Variants in ACTN4 observed in about 807,000 individuals in gnomAD.
ACTN4 encodes the protein actinin alpha 4, also known as alpha-actinin-4.
Under a neutral mutation model 114.2 loss-of-function variants are expected in ACTN4, and 18 were observed. The observed-to-expected ratio is 0.16, with a 90% confidence interval of 0.11 to 0.23. The LOEUF is 0.23. ACTN4 is among the 10% of genes least tolerant of loss of function. The pLI, the probability that ACTN4 is intolerant of heterozygous loss-of-function variation, is 1.00. For missense variants in ACTN4, 722 were observed against 1,262.9 expected, an observed-to-expected ratio of 0.57 and a Z score of 6.49; for synonymous variants, 515 against 506.3, an observed-to-expected ratio of 1.02 and a Z score of -0.23.
At chr19:38,697,199 G>T (rs1382508386) in intron 1 of ACTN4, among the ~76,000 whole-genome samples, 1 of 152,214 alleles carries the variant, frequency 6.6e-6, no homozygotes, top group East Asian at 1.9e-4. Context: ...CTGAGGACAG[G>T]TGGCCAGAAC....
chr19:38,701,224 C>T (rs547870547), intron 3 of ACTN4, 103 bp downstream of exon 3: 203 of 1,570,652 alleles, frequency 1.3e-4, no homozygotes, highest in Admixed American at 1.0e-3. Flanking sequence ...GGTGGCAGGG[C>T]GCTTGGGGCA....
At chr19:38,672,041 C>G (rs1307673358) in intron 1 of ACTN4, among the ~76,000 whole-genome samples, 5 of 151,962 alleles carry the variant, frequency 3.3e-5, no homozygotes, top group Admixed American at 6.6e-5. Context: ...AAGAGCTGGG[C>G]AGCGTAGACT....
At chr19:38,720,764 G>A (rs1426842996) in intron 11 of ACTN4, among the ~76,000 whole-genome samples, 1 of 152,260 alleles carries the variant, frequency 6.6e-6, no homozygotes, top group African/African-American at 2.4e-5. Context: ...CAGCTGTCAG[G>A]TGCTGGGACA....
Position 38,724,406 on chromosome 19 carries a change from T to G in ACTN4, c.1876-25T>G. 1 of 1,612,360 alleles carries G rather than the reference T, an allele frequency of 6.2e-7. No individual in the cohort carries two copies. The highest frequency in any genetic ancestry group is 2.2e-5 in the East Asian group (1 of 44,844). ...GGCTGGGGGCCACCTCCCTGACCGC[T>G]CCCACACCGCGTCTCCTCTGCCAGG... On this transcript the variant is annotated intron_variant, in intron 15 of 20. Coordinates refer to ENST00000252699, the MANE Select transcript of ACTN4 (RefSeq NM_004924.6). This position sits in a 1 kb window ranked among gnomAD's most constrained non-coding sequence, Gnocchi z 7.0.
Position 38,724,157 on chromosome 19 carries a change from G to A in ACTN4, c.1693G>A (p.Gly565Ser). The change falls in exon 15 of 21, where the codon GGC becomes AGC. Residue 565 changes from glycine to serine, a missense_variant and splice_region_variant. Gly to Ser is a moderately conservative substitution (Grantham distance 56, BLOSUM62 0). Around this residue, in one of 3 missense-constraint regions of ACTN4, gnomAD observed 523 missense variants for 875.9 expected, o/e 0.60. Transcript: ENST00000252699. This position sits in a 1 kb window ranked among gnomAD's most constrained non-coding sequence, Gnocchi z 7.0. ...CCCCTCACTCCAGCTCCTCCCCTAG[G>A]GCCTGATCTCAGCCCATGACCAGTT... ...FIVHTIEEIE[G>S]LISAHDQFKS... 6.2e-7 allele frequency: 1 copy of A among 1,613,760 alleles called. No homozygotes were observed. Among genetic ancestry groups the A allele is most frequent in the Non-Finnish European group, 8.5e-7 (1 of 1,179,994 alleles).
At chr19:38,693,292 G>C (rs568981346) in intron 1 of ACTN4, among the ~76,000 whole-genome samples, 1 of 152,152 alleles carries the variant, frequency 6.6e-6, no homozygotes. Flanking sequence ...GGGATCGCTC[G>C]AGCCTATTTC....
intron 1 of ACTN4, among the ~76,000 whole-genome samples, chr19:38,690,967 G>A (rs919391643): frequency 6.6e-6 from 1 of 152,210 alleles, no homozygotes; most frequent in African/African-American, 2.4e-5. Context: ...TCCTAGATTT[G>A]TTGAGTACCT....
At position 38,673,517 on chromosome 19, in the gene ACTN4, T is replaced by TA. The variant is rs1555826155; in HGVS notation, c.162+25610_162+25611insA. The stretch of plus-strand genomic sequence containing the variant: ...TATATTTATATATATGAATATATAT[T>TA]TATATATATTCATATATACTTATAT... On this transcript the variant is annotated intron_variant, in intron 1 of 20. Transcript: ENST00000252699. Among the ~76,000 whole-genome samples, 13 of 80,392 alleles carry TA rather than the reference T, an allele frequency of 1.6e-4. 2 individuals carry two copies. The highest frequency in any genetic ancestry group is 5.1e-4 in the African/African-American group (12 of 23,726). The allele number at this position is 80,392 out of a possible 152,430, so 52.7% of individuals were successfully genotyped here. A position where few individuals can be genotyped will look rare whatever the true frequency, so the allele number is the denominator to read the frequency against.
chr19:38,704,800 C>G, intron 3 of ACTN4, 134 bp from the exon 4 acceptor site: 1 of 755,188 alleles, frequency 1.3e-6, no homozygotes, highest in Non-Finnish European at 2.4e-6. Context: ...GGAGGACAGG[C>G]CTGGGAGATG....
At chr19:38,688,607 G>A (rs1451786151) in intron 1 of ACTN4, among the ~76,000 whole-genome samples, 1 of 151,716 alleles carries the variant, frequency 6.6e-6, no homozygotes, top group Non-Finnish European at 1.5e-5. Flanking sequence ...GCCAGGTGTA[G>A]TAGCATATTC....
rs1165663203 is a variant in ACTN4, at chr19:38,693,830, C to T, written c.163-6770C>T. ...CAAAGCAGAAACTGCTCTTGGGGCC[C>T]CCTGAAGCCCGCCTTAGCTGGGTCA... On this transcript the variant is annotated intron_variant, in intron 1 of 20. Coordinates refer to ENST00000252699, the MANE Select transcript of ACTN4 (RefSeq NM_004924.6). Among the ~76,000 whole-genome samples, 4 of 152,172 alleles carry T rather than the reference C, an allele frequency of 2.6e-5. No individual in the cohort carries two copies. The South Asian group carries it at 6.2e-4, about 24-fold the overall frequency.
chr19:38,720,482 C>T (rs1411950375), intron 11 of ACTN4, among the ~76,000 whole-genome samples: 9 of 152,246 alleles, frequency 5.9e-5, no homozygotes, highest in Non-Finnish European at 4.4e-5. Context: ...CCCAGGGCTG[C>T]GCAGCAGGGC....
chr19:38,664,946 C>T (rs1208210645), intron 1 of ACTN4, among the ~76,000 whole-genome samples: 1 of 152,112 alleles, frequency 6.6e-6, no homozygotes, highest in African/African-American at 2.4e-5. Flanking sequence ...CAGAGAGTTT[C>T]CTGCATGGTC....
chr19:38,677,083 C>T (rs553477373), intron 1 of ACTN4, among the ~76,000 whole-genome samples: 1 of 152,284 alleles, frequency 6.6e-6, no homozygotes, highest in African/African-American at 2.4e-5. Flanking sequence ...GCCTCTGCCC[C>T]TTTCGCCTCA....
chr19:38,711,216 C>T (rs1033666788), intron 8 of ACTN4: 15 of 901,850 alleles, frequency 1.7e-5, no homozygotes, highest in African/African-American at 1.8e-5. Flanking sequence ...GCCCGGCCGC[C>T]CTCCCTGCGT....
At chr19:38,728,411 C>CTCG in intron 19 of ACTN4, 2 of 532,568 alleles carry the variant, frequency 3.8e-6, no homozygotes, top group Non-Finnish European at 5.0e-6. Context: ...CAGCCACCCG[C>CTCG]TCCTCCTCCT....
chr19:38,696,776 C>T (rs570854728), intron 1 of ACTN4, among the ~76,000 whole-genome samples: 1 of 152,280 alleles, frequency 6.6e-6, no homozygotes, highest in Admixed American at 6.5e-5. Flanking sequence ...TTCCCCAAGC[C>T]TGTGTCAGGT....
chr19:38,712,486 C>T (rs901635296), intron 8 of ACTN4, among the ~76,000 whole-genome samples: 5 of 152,250 alleles, frequency 3.3e-5, no homozygotes, highest in South Asian at 2.1e-4. Flanking sequence ...GTGCCTGGCA[C>T]GGCAGCTGCC....
Position 38,724,591 on chromosome 19 carries a change from G to C in ACTN4, c.2010+26G>C, listed in dbSNP as rs1191448118. 2.5e-6 allele frequency: 4 copies of C among 1,612,722 alleles called. No individual in the cohort carries two copies. The African/African-American group carries it at 5.3e-5, about 22-fold the overall frequency. ...GTGAGGCACGGCTGAGCCCCACAGAGCTGAGAAGGTTCCAAGAGAGCTCCC... is the reference window on the plus strand; with the variant it reads ...GTGAGGCACGGCTGAGCCCCACAGACCTGAGAAGGTTCCAAGAGAGCTCCC... On this transcript the variant is annotated intron_variant, in intron 16 of 20. Transcript: ENST00000252699. The surrounding 1 kb of genome is among the most constrained non-coding windows in gnomAD (Gnocchi z 7.0).
Sources: allele counts gnomAD v4.1 joint callset (sites outside exome capture counted in the v4.1 genomes callset), GRCh38; gene constraint gnomAD v4.1.1; regional missense constraint gnomAD v4.1.1; non-coding constraint Gnocchi (gnomAD v3.1); transcripts MANE v1.5; gene names NCBI Gene and HGNC (gene_info 2026-07-23, HGNC 2026-07-21).